UPF2: variants seen among roughly 807,000 people sequenced by gnomAD.
UPF2 encodes UPF2 regulator of nonsense mediated mRNA decay.
UPF2 carries 17 observed loss-of-function variants against 141.4 expected under a neutral mutation model. The ratio of observed to expected loss-of-function variants is 0.12; its 90% confidence interval spans 0.08 to 0.18. The LOEUF is 0.18. Among genes scored for constraint, UPF2 ranks in the 10% least tolerant of loss-of-function variants. The pLI, the probability that UPF2 is intolerant of heterozygous loss-of-function variation, is 1.00. For synonymous variants in UPF2, 540 were observed against 498.0 expected (o/e 1.08, Z -1.12); for missense variants, 1,152 against 1,515.9 (o/e 0.76, Z 3.99).
chr10:11,924,278 C>T (rs1304994480), intron 21 of UPF2, among the ~76,000 whole-genome samples: 1 of 152,088 alleles, frequency 6.6e-6, no homozygotes, highest in East Asian at 1.9e-4. Flanking sequence ...TCAAAAGCTA[C>T]AGGAGAAAAA....
At position 12,035,381 on chromosome 10, in the gene UPF2, C is replaced by A; in HGVS notation, c.43G>T (p.Asp15Tyr). 1.9e-6 allele frequency: 3 copies of A among 1,596,608 alleles called. No homozygotes were observed. Among genetic ancestry groups the A allele is most frequent in the Non-Finnish European group, 2.6e-6 (3 of 1,175,652 alleles). The change falls in exon 2 of 22, where the codon GAC (aspartate) becomes TAC (tyrosine). Residue 15 changes from aspartate (D) to tyrosine (Y), a missense_variant. Physicochemically the swap from Asp to Tyr is radical, Grantham distance 160 (BLOSUM62 -3). This residue lies in a region of UPF2 where 145 missense variants were observed against 136.5 expected (regional missense o/e 1.06). Coordinates refer to ENST00000357604, the MANE Select transcript of UPF2 (RefSeq NM_015542.4). Reference protein sequence around the residue: ...RKKPASMEEKDSLPNNKEKDC... With the variant: ...RKKPASMEEKYSLPNNKEKDC... ...TTTTCCTTGTTGTTTGGTAAAGAGT[C>A]TTTTTCTTCCATACTTGCTGGCTTT...
intron 21 of UPF2, among the ~76,000 whole-genome samples, chr10:11,924,974 A>G (rs1267900953): frequency 1.3e-5 from 2 of 152,114 alleles, no homozygotes; most frequent in Non-Finnish European, 2.9e-5. Flanking sequence ...GCCCGCCACC[A>G]TGACCGGCTA....
intron 9 of UPF2, 101 bp from the exon 10 acceptor site, chr10:11,967,555 T>G (rs983157092): frequency 2.8e-5 from 21 of 746,394 alleles, no homozygotes; most frequent in South Asian, 4.0e-5. Flanking sequence ...AGTTTTTTTT[T>G]TTTTTTTTTT....
At chr10:11,958,898 CA>C (rs1261769813) in intron 12 of UPF2, among the ~76,000 whole-genome samples, 1 of 151,932 alleles carries the variant, frequency 6.6e-6, no homozygotes, top group Admixed American at 6.6e-5. Context: ...TATGGAATAC[CA>C]GAGAGAAAGT....
At chr10:12,001,416 GA>G (rs1042074439) in intron 6 of UPF2, among the ~76,000 whole-genome samples, 14 of 149,026 alleles carry the variant, frequency 9.4e-5, no homozygotes, top group Admixed American at 2.0e-4. Flanking sequence ...CTTAGTTTCA[GA>G]AAAAAAAATA....
intron 15 of UPF2, among the ~76,000 whole-genome samples, chr10:11,950,409 G>A (rs1833058539): frequency 6.6e-6 from 1 of 152,136 alleles, no homozygotes; most frequent in Admixed American, 6.5e-5. Flanking sequence ...TCCTCAACCA[G>A]GAAGCAAATG....
At chr10:11,975,684 T>C (rs1309967156) in intron 9 of UPF2, among the ~76,000 whole-genome samples, 3 of 141,422 alleles carry the variant, frequency 2.1e-5, no homozygotes, top group South Asian at 4.5e-4. Context: ...AATTTTGTTG[T>C]TTTTTTTTTT....
Position 11,925,943 on chromosome 10 carries a change from C to G in UPF2, c.3809+3922G>C, listed in dbSNP as rs143976360. Among the ~76,000 whole-genome samples, 145 of 152,260 alleles carry G rather than the reference C, an allele frequency of 9.5e-4. 2 individuals are homozygous for G. In the East Asian group the frequency reaches 0.024, roughly 25 times the overall value. Reference sequence around the variant, plus strand: ...ATGATTTTAAGCAGAAGGGCACACACAGATATCAAATTTGTGTTTTAGAAA... The same window carrying G: ...ATGATTTTAAGCAGAAGGGCACACAGAGATATCAAATTTGTGTTTTAGAAA... On this transcript the variant is annotated intron_variant, in intron 21 of 21. Coordinates refer to ENST00000357604, the MANE Select transcript of UPF2 (RefSeq NM_015542.4).
intron 15 of UPF2, among the ~76,000 whole-genome samples, chr10:11,949,790 T>C (rs998320083): frequency 3.3e-4 from 50 of 152,336 alleles, no homozygotes; most frequent in African/African-American, 1.2e-3. Context: ...ATTTTAGTTT[T>C]GTTCTTAAAT....
At position 11,944,605 on chromosome 10, in the gene UPF2, A is replaced by G. The variant is rs950926961; in HGVS notation, c.3175-1437T>C. 2.6e-5 allele frequency among the ~76,000 whole-genome samples: 4 copies of G among 152,212 alleles called. No homozygotes were observed. In the South Asian group the frequency reaches 8.3e-4, roughly 32 times the overall value. On this transcript the variant is annotated intron_variant, in intron 16 of 21. Coordinates refer to ENST00000357604, the MANE Select transcript of UPF2 (RefSeq NM_015542.4). ...TTAAATTTGCAATAGAGGTACTCTTAAATTTGCTCTTGAAAAAATGAATCC... is the reference window on the plus strand; with the variant it reads ...TTAAATTTGCAATAGAGGTACTCTTGAATTTGCTCTTGAAAAAATGAATCC...
At chr10:11,930,368 T>G (rs989709200) in intron 20 of UPF2, among the ~76,000 whole-genome samples, 3 of 152,204 alleles carry the variant, frequency 2.0e-5, no homozygotes, top group African/African-American at 7.2e-5. Context: ...CAATGTAAAA[T>G]GCAGATAACA....
intron 20 of UPF2, among the ~76,000 whole-genome samples, chr10:11,930,716 G>A (rs1230660859): frequency 2.0e-5 from 3 of 152,146 alleles, no homozygotes; most frequent in Non-Finnish European, 2.9e-5. Context: ...AGGAGTTTGA[G>A]GCTGCAGTGA....
chr10:11,959,325 T>G lies in UPF2; in HGVS notation c.2216A>C (p.His739Pro). The G allele has an allele frequency of 6.3e-7, 1 of 1,581,960 alleles. No homozygotes were observed. Among genetic ancestry groups the G allele is most frequent in the Non-Finnish European group, 8.6e-7 (1 of 1,168,918 alleles). Residue 739 changes from histidine (H) to proline (P), a missense_variant, in exon 12 of 22, where the codon CAT becomes CCT. By Grantham distance (77) the His-to-Pro change is moderately conservative. This residue lies in a region of UPF2 where 739 missense variants were observed against 1,032.2 expected (regional missense o/e 0.72). Transcript: ENST00000357604. The surrounding 1 kb of genome is among the most constrained non-coding windows in gnomAD (Gnocchi z 5.9). ...EQMMRKKQAM[H>P]LDARYVTMVE... ...CATTGTGACGTATCTCGCATCAAGATGCATTGCTTGCTTCTTTCTCATCAT... is the reference window on the plus strand; with the variant it reads ...CATTGTGACGTATCTCGCATCAAGAGGCATTGCTTGCTTCTTTCTCATCAT...
chr10:12,020,743 C>T (rs1834303252), intron 3 of UPF2, among the ~76,000 whole-genome samples: 1 of 152,162 alleles, frequency 6.6e-6, no homozygotes, highest in African/African-American at 2.4e-5. Context: ...TATTGTTATG[C>T]CCATTTTACA....
chr10:12,036,751 C>T (rs1341312879), intron 1 of UPF2, among the ~76,000 whole-genome samples: 2 of 152,192 alleles, frequency 1.3e-5, no homozygotes, highest in Non-Finnish European at 2.9e-5. Context: ...TTCGGCCAAG[C>T]ACAGTGGCTC....
At position 11,939,576 on chromosome 10, in the gene UPF2, G is replaced by A. The variant is rs141993878; in HGVS notation, c.3379-2864C>T. On this transcript the variant is annotated intron_variant, in intron 18 of 21. Coordinates refer to ENST00000357604, the MANE Select transcript of UPF2 (RefSeq NM_015542.4). This position sits in a 1 kb window ranked among gnomAD's most constrained non-coding sequence, Gnocchi z 4.8. ...TCTCCCCCGGCTGGAGTGCAATGGC[G>A]TGATCTCGGCTCACTGCAACCTCCA... 1.7e-3 allele frequency among the ~76,000 whole-genome samples: 259 copies of A among 151,346 alleles called. 1 individual carries two copies. Among genetic ancestry groups the A allele is most frequent in the African/African-American group, 5.4e-3 (223 of 41,158 alleles).
At chr10:12,018,178 C>T (rs1254055443) in intron 3 of UPF2, among the ~76,000 whole-genome samples, 3 of 152,140 alleles carry the variant, frequency 2.0e-5, no homozygotes, top group East Asian at 1.9e-4. Context: ...CCAGGCACAG[C>T]GGCTAACGCC....
At chr10:11,938,929 G>A (rs777013718) in intron 18 of UPF2, among the ~76,000 whole-genome samples, 24 of 130,132 alleles carry the variant, frequency 1.8e-4, no homozygotes, top group African/African-American at 2.9e-4. Context: ...AGACTGTGCA[G>A]TGGCACAGTC....
rs1453931778 is a variant in UPF2 at position 11,980,650 on chromosome 10, T to C, written c.1845-1485A>G. Among the ~76,000 whole-genome samples, 2 of 152,014 alleles carry C rather than the reference T, an allele frequency of 1.3e-5. No individual in the cohort carries two copies. Among genetic ancestry groups the C allele is most frequent in the African/African-American group, 2.4e-5 (1 of 41,352 alleles). On this transcript the variant is annotated intron_variant, in intron 8 of 21. Transcript: ENST00000357604. The surrounding 1 kb of genome is among the most constrained non-coding windows in gnomAD (Gnocchi z 4.2). ...CGGGAGACTGAGGCAGGAGAATCAC[T>C]TGAACCCAGGAGGCAGAGGTTGCAG...
Sources: allele counts gnomAD v4.1 joint callset (sites outside exome capture counted in the v4.1 genomes callset), GRCh38; gene constraint gnomAD v4.1.1; regional missense constraint gnomAD v4.1.1; non-coding constraint Gnocchi (gnomAD v3.1); transcripts MANE v1.5; gene names NCBI Gene and HGNC (gene_info 2026-07-23, HGNC 2026-07-21).